F8: variants seen among roughly 807,000 people sequenced by gnomAD.
F8 encodes the protein antihemophilic factor.
In F8, 12 loss-of-function variants were observed where a neutral mutation model predicts 140.6. The ratio of observed to expected loss-of-function variants is 0.09; its 90% CI spans 0.05 to 0.14. F8 has a LOEUF of 0.14. F8 is among the 10% of genes least tolerant of loss of function. F8 has a pLI of 1.00. For synonymous variants in F8, 585 were observed against 614.6 expected (o/e 0.95, Z 0.71); for missense variants, 1,354 against 1,720.7 (o/e 0.79, Z 3.77).
At chrX:154,965,673 C>T in intron 9 of F8, 1 of 259,099 alleles carries the variant, frequency 3.9e-6, no homozygotes, top group East Asian at 8.5e-5. Context: ...ATTTGGTTCA[C>T]AGGCCATAGT....
At chrX:154,904,613 A>T in intron 16 of F8, 89 bp from the exon 17 acceptor site, 1 of 869,453 alleles carries the variant, frequency 1.2e-6, no homozygotes, top group Non-Finnish European at 1.7e-6. Context: ...TGCCAGTCCA[A>T]CCTGCCTCCC....
intron 14 of F8, among the ~76,000 whole-genome samples, chrX:154,916,385 T>A (rs1261211420): frequency 8.9e-6 from 1 of 111,917 alleles, no homozygotes; most frequent in Non-Finnish European, 1.9e-5. Context: ...AGTTTCAGTA[T>A]AATTGGTGTA....
intron 22 of F8, among the ~76,000 whole-genome samples, chrX:154,874,974 T>A (rs782505837): frequency 4.6e-4 from 51 of 112,061 alleles, no homozygotes; most frequent in Non-Finnish European, 9.0e-4. Flanking sequence ...GATGGAGGGA[T>A]AAAGACAATC....
rs77798404 is a variant in F8, at chrX:154,863,213, A to G, written c.6444T>C (p.Asn2148=). ...TGTGTTTTATCCCAGATGAATCCACATTGCCAAAGAAGACCTGTATGGAGA... is the reference window on the plus strand; with the variant it reads ...TGTGTTTTATCCCAGATGAATCCACGTTGCCAAAGAAGACCTGTATGGAGA... The part of the protein sequence containing the change: ...STGTLMVFFG[N]VDSSGIKHNI... Residue 2148 remains asparagine (N), a synonymous_variant, in exon 23 of 26, where the codon AAT becomes AAC. Coordinates refer to ENST00000360256, the MANE Select transcript of F8 (RefSeq NM_000132.4). The G allele has an allele frequency of 8.3e-7, 1 of 1,209,391 alleles. No individual in the cohort carries two copies. The highest frequency in any genetic ancestry group is 3.0e-5 in the East Asian group (1 of 33,810).
Position 154,901,773 on chromosome X carries a change from C to G in F8, c.6115+278G>C, listed in dbSNP as rs904444765. Among the ~76,000 whole-genome samples, 7 of 111,179 alleles carry G rather than the reference C, an allele frequency of 6.3e-5. No homozygotes were observed. The South Asian group carries it at 2.6e-3, about 42-fold the overall frequency. On this transcript the variant is annotated intron_variant, in intron 19 of 25. Transcript: ENST00000360256. ...AATCAACATTAAATTCCAAAATCTG[C>G]TACTGGAGATCTTCGAGCTTTACCA...
intron 24 of F8, 103 bp from the exon 25 acceptor site, chrX:154,860,711 CT>C: frequency 1.2e-6 from 1 of 805,687 alleles, no homozygotes; most frequent in Non-Finnish European, 1.9e-6. Flanking sequence ...ACTCTACTTT[CT>C]TTTTTGAGAC....
chrX:154,837,952 C>T lies in F8; in HGVS notation c.6901-200G>A, dbSNP rs1391831002. 2.7e-5 allele frequency among the ~76,000 whole-genome samples: 3 copies of T among 111,680 alleles called. No homozygotes were observed. The Admixed American group carries it at 2.8e-4, about 11-fold the overall frequency. On this transcript the variant is annotated intron_variant, in intron 25 of 25. Coordinates refer to ENST00000360256, the MANE Select transcript of F8 (RefSeq NM_000132.4). Reference sequence around the variant, plus strand: ...TTGGAGGCCTTCACTCTAGCTAGGCCTTATATCTACAGTGTTCTCACCCAC... The same window carrying T: ...TTGGAGGCCTTCACTCTAGCTAGGCTTTATATCTACAGTGTTCTCACCCAC...
intron 1 of F8, among the ~76,000 whole-genome samples, chrX:155,006,173 T>C (rs1337961632): frequency 9.1e-6 from 1 of 110,174 alleles, no homozygotes; most frequent in Non-Finnish European, 1.9e-5. Context: ...GGAGAATTCA[T>C]TGCCAGCTAT....
At chrX:154,912,074 A>C (rs1288583460) in intron 14 of F8, among the ~76,000 whole-genome samples, 2 of 111,424 alleles carry the variant, frequency 1.8e-5, no homozygotes, top group Non-Finnish European at 3.8e-5. Context: ...GACTTGTTTG[A>C]GTTCCTTATA....
chrX:154,901,132 T>C (rs901067038), intron 20 of F8, among the ~76,000 whole-genome samples: 1 of 111,690 alleles, frequency 9.0e-6, no homozygotes, highest in Non-Finnish European at 1.9e-5. Context: ...AAGGAAGAAA[T>C]ACTGAAGGTA....
Position 154,923,897 on chromosome X carries a change from G to A in F8, c.5219+4674C>T, listed in dbSNP as rs782642064. Among the ~76,000 whole-genome samples, 10 of 111,525 alleles carry A rather than the reference G, an allele frequency of 9.0e-5. No homozygotes were observed. The East Asian group carries it at 1.1e-3, about 13-fold the overall frequency. On this transcript the variant is annotated intron_variant, in intron 14 of 25. Transcript: ENST00000360256. The stretch of plus-strand genomic sequence containing the variant: ...TGAGGCAGGAGAATCACTTGAACCC[G>A]GGAGGTGGAGGTTGCAGTGAGCCAA...
chrX:154,856,620 C>T (rs1033204699), intron 25 of F8, among the ~76,000 whole-genome samples: 3 of 111,789 alleles, frequency 2.7e-5, no homozygotes, highest in Admixed American at 1.9e-4. Context: ...AACAGAGTCA[C>T]GGCCTCTCAA....
At position 154,984,733 on chromosome X, in the gene F8, C is replaced by T; in HGVS notation, c.741G>A (p.Trp247Ter). The T allele has an allele frequency of 8.3e-7, 1 of 1,211,225 alleles. No individual in the cohort carries two copies. The highest frequency in any genetic ancestry group is 1.1e-6 in the Non-Finnish European group (1 of 895,175). Residue 247 changes from tryptophan to a stop codon, truncating the protein, a stop_gained, in exon 6 of 26, where the codon TGG becomes TGA. Coordinates refer to ENST00000360256, the MANE Select transcript of F8 (RefSeq NM_000132.4). LOFTEE classifies it high-confidence loss of function. ...AACCATTGACTGTGTGCATTTTAGG[C>T]CAGGCCCGAGCAGATGCAGCATCCC... is the stretch of plus-strand genomic sequence containing the variant. ...QDRDAASARAWPKMHTVNGYV... is the reference protein window; with the variant it reads ...QDRDAASARA
intron 9 of F8, among the ~76,000 whole-genome samples, chrX:154,964,919 G>A (rs1258200038): frequency 9.0e-6 from 1 of 111,096 alleles, no homozygotes; most frequent in Non-Finnish European, 1.9e-5. Context: ...GACAATGTGA[G>A]GAAAACATTT....
At chrX:154,982,162 T>A (rs1443844712) in intron 6 of F8, among the ~76,000 whole-genome samples, 1 of 94,241 alleles carries the variant, frequency 1.1e-5, no homozygotes, top group African/African-American at 4.1e-5. Flanking sequence ...CCAGCCTGGG[T>A]GACAGAACAA....
intron 25 of F8, among the ~76,000 whole-genome samples, chrX:154,852,432 A>G (rs1603431325): frequency 8.9e-6 from 1 of 111,798 alleles, no homozygotes; most frequent in Non-Finnish European, 1.9e-5. Flanking sequence ...TGGATATCCA[A>G]TTGTCCCAGC....
intron 10 of F8, among the ~76,000 whole-genome samples, chrX:154,957,628 C>T (rs1343644654): frequency 1.8e-5 from 2 of 111,095 alleles, no homozygotes; most frequent in Non-Finnish European, 3.8e-5. Flanking sequence ...GTAAGTTATG[C>T]CTGACCTATG....
chrX:155,005,831 T>C (rs782544479), intron 1 of F8, among the ~76,000 whole-genome samples: 1 of 111,914 alleles, frequency 8.9e-6, no homozygotes, highest in East Asian at 2.8e-4. Context: ...GGTGGGACTA[T>C]ATAGGTCCAG....
Position 154,929,978 on chromosome X carries a change from C to A in F8, c.3812G>T (p.Arg1271Met). The change falls in exon 14 of 26, where the codon AGG (arginine) becomes ATG (methionine). Residue 1271 changes from arginine (R) to methionine (M), a missense_variant. Arg to Met is a moderately conservative substitution (Grantham distance 91). Coordinates refer to ENST00000360256, the MANE Select transcript of F8 (RefSeq NM_000132.4). ...TCTATTTGTTGAATCATTTAATGAC[C>A]TAAAATCTTGAAGTACTGGAGCATA... ...GAYAPVLQDFRSLNDSTNRTK... is the reference protein window; with the variant it reads ...GAYAPVLQDFMSLNDSTNRTK... 2 of 1,210,972 alleles carry A rather than the reference C, an allele frequency of 1.7e-6. No individual in the cohort carries two copies. Among genetic ancestry groups the A allele is most frequent in the Non-Finnish European group, 2.2e-6 (2 of 895,147 alleles).
Sources: gnomAD v4.1 joint callset for allele counts (sites outside exome capture counted in the v4.1 genomes callset) on GRCh38, gnomAD v4.1.1 for gene constraint, MANE v1.5 for transcripts, NCBI Gene and HGNC (gene_info 2026-07-23, HGNC 2026-07-21) for gene names.